The following MAGI2 variants were observed in gnomAD, a reference collection of about 807,000 sequenced individuals.
The protein encoded by MAGI2 is membrane associated guanylate kinase, WW and PDZ domain containing 2.
MAGI2 carries 35 observed loss-of-function variants against 133.3 expected under a neutral mutation model. The ratio of observed to expected loss-of-function variants is 0.26; its 90% CI spans 0.20 to 0.35. The LOEUF (loss-of-function observed/expected upper bound fraction) is 0.35, where lower values mean the gene tolerates loss of function less well. MAGI2 is among the 10% of genes least tolerant of loss of function. MAGI2 has a pLI of 1.00. For missense variants in MAGI2, 1,636 were observed against 1,863.4 expected, an observed-to-expected ratio of 0.88 and a Z score of 2.25; for synonymous variants, 729 against 710.6, an observed-to-expected ratio of 1.03 and a Z score of -0.41.
At chr7:79,404,021 C>T (rs1028893211) in intron 1 of MAGI2, among the ~76,000 whole-genome samples, 3 of 152,134 alleles carry the variant, frequency 2.0e-5, no homozygotes, top group African/African-American at 7.2e-5. Context: ...ACTTAACTCT[C>T]CTGTCTATAG....
intron 2 of MAGI2, among the ~76,000 whole-genome samples, chr7:78,640,380 GAGTA>G (rs1810159620): frequency 6.6e-6 from 1 of 152,114 alleles, no homozygotes; most frequent in Non-Finnish European, 1.5e-5. Flanking sequence ...TATCATCAGA[GAGTA>G]AGGGAAGTTT....
chr7:79,356,555 TCA>T (rs1157558006), intron 1 of MAGI2, among the ~76,000 whole-genome samples: 2 of 152,180 alleles, frequency 1.3e-5, no homozygotes, highest in African/African-American at 2.4e-5. Flanking sequence ...TAGAATGTTC[TCA>T]GTTTCCAAAG....
At chr7:78,600,387 CA>C (rs1805070924) in intron 3 of MAGI2, among the ~76,000 whole-genome samples, 1 of 151,296 alleles carries the variant, frequency 6.6e-6, no homozygotes, top group Non-Finnish European at 1.5e-5. Context: ...ATACAGTTAG[CA>C]AAAAAAGGTT....
chr7:78,909,474 G>C (rs547570561), intron 2 of MAGI2, among the ~76,000 whole-genome samples: 19 of 150,826 alleles, frequency 1.3e-4, no homozygotes, highest in Non-Finnish European at 2.1e-4. Context: ...GTGGTGGCAG[G>C]CGCCTGTACT....
chr7:79,114,968 C>G (rs1200657395), intron 1 of MAGI2, among the ~76,000 whole-genome samples: 1 of 152,172 alleles, frequency 6.6e-6, no homozygotes, highest in Non-Finnish European at 1.5e-5. Flanking sequence ...TTAATTGCTT[C>G]CCGTTTTTAT....
chr7:79,088,087 A>G (rs982412654), intron 1 of MAGI2, among the ~76,000 whole-genome samples: 4 of 152,126 alleles, frequency 2.6e-5, no homozygotes, highest in African/African-American at 7.2e-5. Context: ...TTTGGGCAGT[A>G]TGGCCATTTT....
intron 1 of MAGI2, among the ~76,000 whole-genome samples, chr7:79,013,881 GGTTT>G (rs1808426747): frequency 6.6e-6 from 1 of 152,060 alleles, no homozygotes; most frequent in African/African-American, 2.4e-5. Context: ...AAGATGCCCT[GGTTT>G]GTTAGTTTTT....
chr7:78,728,065 T>C (rs1292590508), intron 2 of MAGI2, among the ~76,000 whole-genome samples: 2 of 152,120 alleles, frequency 1.3e-5, no homozygotes, highest in African/African-American at 2.4e-5. Flanking sequence ...GAAGGTAAAA[T>C]TGAGTGAAGT....
intron 2 of MAGI2, among the ~76,000 whole-genome samples, chr7:78,840,558 T>C (rs189927816): frequency 3.8e-4 from 58 of 152,146 alleles, no homozygotes; most frequent in African/African-American, 1.3e-3. Context: ...TCAATCTATT[T>C]AGAGAAATGT....
At chr7:78,579,114 C>T (rs1398234569) in intron 3 of MAGI2, among the ~76,000 whole-genome samples, 1 of 152,134 alleles carries the variant, frequency 6.6e-6, no homozygotes, top group East Asian at 1.9e-4. Context: ...CTATAAGCTC[C>T]ATGCTACTTA....
intron 2 of MAGI2, among the ~76,000 whole-genome samples, chr7:78,973,297 A>G (rs1032100025): frequency 7.9e-5 from 12 of 151,788 alleles, no homozygotes; most frequent in African/African-American, 2.7e-4. Flanking sequence ...TTTAGCTGAA[A>G]CTTACTTCTT....
intron 1 of MAGI2, among the ~76,000 whole-genome samples, chr7:79,213,712 G>A (rs78710231): frequency 0.04 from 6,055 of 151,972 alleles, 470 homozygotes; most frequent in African/African-American, 0.14. Flanking sequence ...TGGGACTCTC[G>A]CAATTACTAC....
At chr7:78,969,418 A>T (rs1318093056) in intron 2 of MAGI2, among the ~76,000 whole-genome samples, 1 of 151,840 alleles carries the variant, frequency 6.6e-6, no homozygotes, top group South Asian at 2.1e-4. Flanking sequence ...TTATCTGTTA[A>T]ATTTTCCGTT....
At chr7:78,065,653 G>T in intron 21 of MAGI2, 1 of 690,332 alleles carries the variant, frequency 1.4e-6, no homozygotes, top group African/African-American at 1.8e-5. Flanking sequence ...GAGACTGGAA[G>T]GTACCATTCC....
intron 2 of MAGI2, among the ~76,000 whole-genome samples, chr7:78,874,907 G>A (rs1483841672): frequency 1.3e-5 from 2 of 152,090 alleles, no homozygotes; most frequent in Admixed American, 6.6e-5. Flanking sequence ...ATTATTATGT[G>A]TCAATTAAAA....
At chr7:78,617,902 G>A (rs1807280658) in intron 3 of MAGI2, 1 of 151,926 alleles carries the variant, frequency 6.6e-6, no homozygotes, top group Admixed American at 6.6e-5. Flanking sequence ...AGAAATAACA[G>A]ACCTGAGGTC....
At chr7:78,143,976 G>T in intron 16 of MAGI2, among the ~76,000 whole-genome samples, 1 of 144,610 alleles carries the variant, frequency 6.9e-6, no homozygotes. Flanking sequence ...TTAAATTAGT[G>T]GCTGTCTATG....
intron 1 of MAGI2, among the ~76,000 whole-genome samples, chr7:79,097,361 T>A (rs1817603684): frequency 6.6e-6 from 1 of 152,176 alleles, no homozygotes; most frequent in Non-Finnish European, 1.5e-5. Flanking sequence ...AATGCCTACA[T>A]TTACTGTGCC....
At chr7:78,685,240 A>G (rs1225488788) in intron 2 of MAGI2, among the ~76,000 whole-genome samples, 2 of 152,186 alleles carry the variant, frequency 1.3e-5, no homozygotes, top group Non-Finnish European at 1.5e-5. Flanking sequence ...GCAGAGTTTA[A>G]GGCTGTCACC....
Sources: gnomAD v4.1 joint callset for allele counts (sites outside exome capture counted in the v4.1 genomes callset) on GRCh38, gnomAD v4.1.1 for gene constraint, MANE v1.5 for transcripts, NCBI Gene and HGNC (gene_info 2026-07-23, HGNC 2026-07-21) for gene names.